The following PALLD variants were observed in gnomAD, a reference collection of about 807,000 sequenced individuals.
PALLD encodes the protein palladin.
Under a neutral mutation model 123.5 loss-of-function variants are expected in PALLD, and 61 were observed. The observed-to-expected ratio is 0.49, with a 90% CI of 0.40 to 0.61. The LOEUF is 0.61. PALLD is among the 20% of genes least tolerant of loss of function. The pLI, the probability that PALLD is intolerant of heterozygous loss-of-function variation, is 0.00. For synonymous variants in PALLD, 465 were observed against 496.4 expected, an observed-to-expected ratio of 0.94 and a Z score of 0.84; for missense variants, 1,273 against 1,377.0, an observed-to-expected ratio of 0.92 and a Z score of 1.20.
intron 10 of PALLD, among the ~76,000 whole-genome samples, chr4:168,727,804 ATTTCC>A (rs1786744923): frequency 6.6e-6 from 1 of 152,128 alleles, no homozygotes; most frequent in Non-Finnish European, 1.5e-5. Context: ...CAAGAAGGTT[ATTTCC>A]TAGGTTTTCT....
chr4:168,612,867 T>C (rs1166886327), intron 2 of PALLD, among the ~76,000 whole-genome samples: 1 of 152,014 alleles, frequency 6.6e-6, no homozygotes, highest in African/African-American at 2.4e-5. Context: ...TGGAGGAAAA[T>C]GCATGCTTAT....
intron 5 of PALLD, 66 bp from the exon 6 acceptor site, chr4:168,685,419 T>C (rs911283368): frequency 7.0e-6 from 7 of 997,746 alleles, no homozygotes; most frequent in South Asian, 6.3e-5. Context: ...ATGAAAGGTT[T>C]CTTCAGCCCA....
intron 17 of PALLD, 143 bp downstream of exon 17, chr4:168,916,170 T>TGGGAGGCTG: frequency 7.1e-6 from 6 of 847,220 alleles, no homozygotes; most frequent in South Asian, 1.4e-5. Flanking sequence ...CCCAGCACTT[T>TGGGAGGCTG]AGAGTCCAAA....
At chr4:168,812,824 A>C (rs1195819368) in intron 10 of PALLD, among the ~76,000 whole-genome samples, 1 of 152,194 alleles carries the variant, frequency 6.6e-6, no homozygotes, top group Admixed American at 6.5e-5. Flanking sequence ...ACTTAAACAA[A>C]GGTAGGGAAG....
intron 2 of PALLD, among the ~76,000 whole-genome samples, chr4:168,613,744 G>T (rs1004133815): frequency 6.6e-6 from 1 of 152,188 alleles, no homozygotes; most frequent in African/African-American, 2.4e-5. Context: ...GACAGAGTGT[G>T]CCCCAAGTCA....
chr4:168,925,664 TTA>T (rs1376771038), intron 21 of PALLD, among the ~76,000 whole-genome samples: 1 of 152,164 alleles, frequency 6.6e-6, no homozygotes, highest in Non-Finnish European at 1.5e-5. Context: ...ACAATCAGCA[TTA>T]TGTTATCCAT....
intron 2 of PALLD, among the ~76,000 whole-genome samples, chr4:168,609,345 CAAAAAAAAAAA>C (rs5863949): frequency 1.4e-5 from 1 of 71,600 alleles, no homozygotes; most frequent in South Asian, 6.8e-4. Context: ...AAGCTGTTAC[CAAAAAAAAAAA>C]AAAAAAAAAA....
At chr4:168,782,808 G>A (rs1359550173) in intron 10 of PALLD, among the ~76,000 whole-genome samples, 2 of 152,050 alleles carry the variant, frequency 1.3e-5, no homozygotes, top group Admixed American at 6.6e-5. Flanking sequence ...CTAGTGCTTT[G>A]GGAGGCTGAG....
rs70961551 is a variant in PALLD, at chr4:168,689,432, C to CTTTTTTTTTT, written c.1336-1147_1336-1138dup. ...TACACCTTACATTCGATCCAATATT[C>CTTTTTTTTTT]TTTTTTTTTTTTTTTTTTTTTTTTT... is the stretch of plus-strand genomic sequence containing the variant. On this transcript the variant is annotated intron_variant, in intron 6 of 21. Transcript: ENST00000505667. 1.3e-3 allele frequency among the ~76,000 whole-genome samples: 64 copies of CTTTTTTTTTT among 49,860 alleles called. 19 individuals carry two copies. The highest frequency in any genetic ancestry group is 1.9e-3 in the Non-Finnish European group (51 of 26,378). 32.7% of individuals were successfully genotyped at this position (49,860 alleles called of 152,430 possible). A position where few individuals can be genotyped will look rare whatever the true frequency, so the allele number is the denominator to read the frequency against.
At chr4:168,736,145 C>T (rs912867874) in intron 10 of PALLD, among the ~76,000 whole-genome samples, 7 of 152,284 alleles carry the variant, frequency 4.6e-5, no homozygotes, top group South Asian at 2.1e-4. Flanking sequence ...TATTCGTTGC[C>T]GCAATTTTGC....
intron 2 of PALLD, among the ~76,000 whole-genome samples, chr4:168,613,470 T>C (rs1773929140): frequency 6.6e-6 from 1 of 152,206 alleles, no homozygotes; most frequent in South Asian, 2.1e-4. Context: ...CTTCTCCTCA[T>C]CTTTTGGATA....
At chr4:168,639,792 C>T (rs1580714224) in intron 2 of PALLD, among the ~76,000 whole-genome samples, 3 of 152,166 alleles carry the variant, frequency 2.0e-5, no homozygotes. Flanking sequence ...GATCCGCCCG[C>T]CTCGGCCACC....
At chr4:168,781,348 C>CAG (rs1735896121) in intron 10 of PALLD, among the ~76,000 whole-genome samples, 1 of 152,274 alleles carries the variant, frequency 6.6e-6, no homozygotes, top group Admixed American at 6.5e-5. Context: ...CAGAAGTGGG[C>CAG]AGAGCCTAGT....
chr4:168,502,241 G>A (rs955349219), intron 1 of PALLD, among the ~76,000 whole-genome samples: 1 of 152,162 alleles, frequency 6.6e-6, no homozygotes, highest in Non-Finnish European at 1.5e-5. Flanking sequence ...GAGCTTGCTA[G>A]TATCCGTGTG....
chr4:168,622,526 T>C (rs1349186157), intron 2 of PALLD, among the ~76,000 whole-genome samples: 2 of 152,196 alleles, frequency 1.3e-5, no homozygotes, highest in Non-Finnish European at 2.9e-5. Flanking sequence ...CCCCCTTTTT[T>C]CTTTCAGCCC....
chr4:168,640,663 T>C (rs1382132865), intron 2 of PALLD, among the ~76,000 whole-genome samples: 1 of 152,252 alleles, frequency 6.6e-6, no homozygotes, highest in African/African-American at 2.4e-5. Context: ...GGCTCAGAAA[T>C]GTGATAATTA....
chr4:168,580,043 C>G (rs1457737307), intron 2 of PALLD, among the ~76,000 whole-genome samples: 1 of 152,036 alleles, frequency 6.6e-6, no homozygotes, highest in African/African-American at 2.4e-5. Context: ...CCTCCACCAT[C>G]CAAACCCTGG....
chr4:168,830,665 G>T lies in PALLD; in HGVS notation c.1965-60257G>T, dbSNP rs553526526. On this transcript the variant is annotated intron_variant, in intron 10 of 21. Transcript: ENST00000505667. ...ATTTATCTCTGGGAGTAAAATCACA[G>T]GGACATTCAATTTTGGTTTATTGTT... is the stretch of plus-strand genomic sequence containing the variant. Among the ~76,000 whole-genome samples the T allele has an allele frequency of 1.1e-3, 170 of 152,322 alleles. 2 individuals carry two copies. The highest frequency in any genetic ancestry group is 3.4e-3 in the Middle Eastern group (1 of 294).
intron 15 of PALLD, among the ~76,000 whole-genome samples, chr4:168,908,159 G>A (rs1758197524): frequency 1.3e-5 from 2 of 152,178 alleles, no homozygotes; most frequent in Admixed American, 1.3e-4. Flanking sequence ...TTAATTCCAA[G>A]AGTAAAACCC....
Sources: allele counts gnomAD v4.1 joint callset (sites outside exome capture counted in the v4.1 genomes callset), GRCh38; gene constraint gnomAD v4.1.1; transcripts MANE v1.5; gene names NCBI Gene and HGNC (gene_info 2026-07-23, HGNC 2026-07-21).